RORA: variants seen among roughly 807,000 people sequenced by gnomAD.
RORA encodes the protein RAR related orphan receptor A.
RORA carries 7 observed loss-of-function variants against 69.5 expected under a neutral mutation model. The observed-to-expected ratio is 0.10, with a 90% CI of 0.06 to 0.19. RORA has a LOEUF of 0.19. RORA is among the 10% of genes least tolerant of loss of function. The probability of loss-of-function intolerance (pLI) is 1.00; values close to 1 mark genes in which losing one functional copy is unlikely to be tolerated. For missense variants in RORA, 457 were observed against 663.0 expected, an observed-to-expected ratio of 0.69 and a Z score of 3.41; for synonymous variants, 261 against 240.8, an observed-to-expected ratio of 1.08 and a Z score of -0.78.
chr15:60,562,367 C>T (rs2067588387), intron 2 of RORA, among the ~76,000 whole-genome samples: 1 of 151,566 alleles, frequency 6.6e-6, no homozygotes, highest in African/African-American at 2.4e-5. Flanking sequence ...TCCTGAGTAA[C>T]TGGGATGACA....
At chr15:60,939,753 GGCT>G (rs1302077981) in intron 1 of RORA, among the ~76,000 whole-genome samples, 2 of 152,142 alleles carry the variant, frequency 1.3e-5, no homozygotes, top group African/African-American at 2.4e-5. Flanking sequence ...GTTCCAAGTC[GGCT>G]GTGCTAGCCC....
intron 1 of RORA, among the ~76,000 whole-genome samples, chr15:60,796,005 C>A (rs1466877567): frequency 6.6e-6 from 1 of 152,146 alleles, no homozygotes; most frequent in Admixed American, 6.5e-5. Flanking sequence ...GCAAATATAA[C>A]CATCATCATT....
chr15:60,773,367 C>T (rs1050065323), intron 1 of RORA, among the ~76,000 whole-genome samples: 1 of 151,976 alleles, frequency 6.6e-6, no homozygotes, highest in African/African-American at 2.4e-5. Context: ...GTTTTCTGAA[C>T]CGTTTGAGGA....
intron 1 of RORA, among the ~76,000 whole-genome samples, chr15:60,938,211 T>C (rs4775327): frequency 0.16 from 24,356 of 152,168 alleles, 2,025 homozygotes; most frequent in Admixed American, 0.2. Context: ...CATAGTGTAT[T>C]TGTATCTGTG....
intron 1 of RORA, among the ~76,000 whole-genome samples, chr15:60,929,025 G>A (rs182157420): frequency 7.2e-5 from 11 of 152,016 alleles, no homozygotes; most frequent in African/African-American, 9.7e-5. Flanking sequence ...TGTGTGCCCC[G>A]CTCCCACTCT....
chr15:61,089,879 A>G (rs868313917), intron 1 of RORA, among the ~76,000 whole-genome samples: 7 of 152,152 alleles, frequency 4.6e-5, no homozygotes, highest in Non-Finnish European at 1.0e-4. Flanking sequence ...CCAAAGATGG[A>G]GGGTAGAACA....
intron 1 of RORA, among the ~76,000 whole-genome samples, chr15:61,217,272 T>C (rs188186784): frequency 2.6e-5 from 4 of 152,136 alleles, no homozygotes; most frequent in African/African-American, 9.7e-5. Context: ...GGAAAATAAC[T>C]ATCAGACAGC....
At chr15:60,605,634 G>GCAAAACATGATGACT (rs1444925490) in intron 2 of RORA, among the ~76,000 whole-genome samples, 1 of 152,130 alleles carries the variant, frequency 6.6e-6, no homozygotes, top group African/African-American at 2.4e-5. Flanking sequence ...TTTAATAGAG[G>GCAAAACATGATGACT]CAAAACATGA....
At chr15:61,073,106 A>G (rs2078392304) in intron 1 of RORA, among the ~76,000 whole-genome samples, 1 of 152,200 alleles carries the variant, frequency 6.6e-6, no homozygotes, top group Non-Finnish European at 1.5e-5. Context: ...GCTGAGAAAG[A>G]GCAGACAGTG....
At chr15:61,154,276 T>C (rs1317082434) in intron 1 of RORA, among the ~76,000 whole-genome samples, 8 of 152,100 alleles carry the variant, frequency 5.3e-5, no homozygotes, top group East Asian at 3.9e-4. Context: ...AAGGCCAAGA[T>C]AGGAAGGACC....
intron 1 of RORA, among the ~76,000 whole-genome samples, chr15:61,173,250 A>G (rs1050077476): frequency 1.1e-4 from 16 of 152,310 alleles, no homozygotes; most frequent in Admixed American, 9.8e-4. Context: ...AAGATCTTGC[A>G]GCTTGAAAGT....
intron 1 of RORA, among the ~76,000 whole-genome samples, chr15:60,969,913 T>C (rs1379763010): frequency 6.6e-6 from 1 of 152,242 alleles, no homozygotes; most frequent in Non-Finnish European, 1.5e-5. Flanking sequence ...TAAGGTTAAA[T>C]GTGGTCCTGT....
At chr15:60,812,307 C>T (rs1449501700) in intron 1 of RORA, among the ~76,000 whole-genome samples, 1 of 152,072 alleles carries the variant, frequency 6.6e-6, no homozygotes, top group Non-Finnish European at 1.5e-5. Flanking sequence ...AGTTTGAGAC[C>T]AGCCTGAGCA....
intron 2 of RORA, among the ~76,000 whole-genome samples, chr15:60,611,715 G>A (rs1051787783): frequency 6.6e-6 from 1 of 152,006 alleles, no homozygotes; most frequent in East Asian, 1.9e-4. Context: ...GCTGCTTTGG[G>A]AAACCTGATG....
At chr15:60,886,652 T>C (rs1195298127) in intron 1 of RORA, among the ~76,000 whole-genome samples, 1 of 152,180 alleles carries the variant, frequency 6.6e-6, no homozygotes, top group African/African-American at 2.4e-5. Flanking sequence ...CTGAGGTGGG[T>C]CTAACAGTAA....
intron 1 of RORA, among the ~76,000 whole-genome samples, chr15:61,082,996 T>A (rs2078567840): frequency 6.6e-6 from 1 of 152,148 alleles, no homozygotes; most frequent in Non-Finnish European, 1.5e-5. Context: ...TCCTGACTCC[T>A]CCTTCAGTGC....
intron 1 of RORA, among the ~76,000 whole-genome samples, chr15:61,184,340 T>C (rs1372808618): frequency 6.6e-6 from 1 of 152,162 alleles, no homozygotes; most frequent in Admixed American, 6.5e-5. Flanking sequence ...TGGTCAGTTA[T>C]CTTCCCAAAC....
chr15:60,663,768 T>C (rs1261729956), intron 2 of RORA, among the ~76,000 whole-genome samples: 1 of 152,186 alleles, frequency 6.6e-6, no homozygotes, highest in Non-Finnish European at 1.5e-5. Flanking sequence ...ATATGAGAAA[T>C]TTTATAATGA....
chr15:61,074,834 C>A (rs925135207), intron 1 of RORA, among the ~76,000 whole-genome samples: 1 of 152,114 alleles, frequency 6.6e-6, no homozygotes, highest in East Asian at 1.9e-4. Context: ...CACCTGTAAT[C>A]CCAGCAATTT....
Sources: gnomAD v4.1 joint callset for allele counts (sites outside exome capture counted in the v4.1 genomes callset) on GRCh38, gnomAD v4.1.1 for gene constraint, MANE v1.5 for transcripts, NCBI Gene and HGNC (gene_info 2026-07-23, HGNC 2026-07-21) for gene names.